The following SCAND3 variants were observed in gnomAD, a reference collection of about 807,000 sequenced individuals.
SCAND3 encodes SCAN domain containing 3.
the SCAND3 span, chr6:28,597,924 C>T: frequency 6.6e-6 from 1 of 152,294 alleles, no homozygotes; most frequent in Admixed American, 6.5e-5. Flanking sequence ...GAGACGCTTT[C>T]ATTTCTCTCT....
At chr6:28,572,520 A>T in the SCAND3 span, 1 of 1,613,648 alleles carries the variant, frequency 6.2e-7, no homozygotes, top group African/African-American at 1.3e-5. The surrounding 1 kb of genome is among the most constrained non-coding windows in gnomAD (Gnocchi z 4.1). Flanking sequence ...AATAAGTTGC[A>T]TTCTTCCCTT....
At chr6:28,586,931 C>T in the SCAND3 span, 45 of 575,838 alleles carry the variant, frequency 7.8e-5, no homozygotes, top group African/African-American at 2.1e-4. The surrounding 1 kb of genome is among the most constrained non-coding windows in gnomAD (Gnocchi z 4.4). Flanking sequence ...GTGAAGCCAT[C>T]CTCTGAAAAG....
chr6:28,595,353 A>AAG, the SCAND3 span, among the ~76,000 whole-genome samples: 584 of 144,478 alleles, frequency 4.0e-3, 2 homozygotes, highest in Non-Finnish European at 7.8e-3. Flanking sequence ...AAAAAAAAAA[A>AAG]AAGAAGAAGA....
the SCAND3 span, among the ~76,000 whole-genome samples, chr6:28,599,576 A>C: frequency 1.3e-5 from 2 of 152,152 alleles, no homozygotes; most frequent in Non-Finnish European, 2.9e-5. Flanking sequence ...CTCATGAGAT[A>C]TGATGGTTTT....
At chr6:28,586,586 C>T in the SCAND3 span, 1 of 1,614,218 alleles carries the variant, frequency 6.2e-7, no homozygotes, top group Non-Finnish European at 8.5e-7. This position sits in a 1 kb window ranked among gnomAD's most constrained non-coding sequence, Gnocchi z 4.4. Flanking sequence ...TGGTATAAGA[C>T]AAATTCCTAC....
the SCAND3 span, chr6:28,573,615 CTG>C: frequency 6.2e-7 from 1 of 1,613,160 alleles, no homozygotes; most frequent in East Asian, 2.2e-5. Flanking sequence ...AAATAATACA[CTG>C]TGGTTTTAGT....
chr6:28,604,588 C>T, the SCAND3 span, among the ~76,000 whole-genome samples: 4 of 147,826 alleles, frequency 2.7e-5, no homozygotes, highest in African/African-American at 5.0e-5. Flanking sequence ...TGCACTCCAG[C>T]GTGGCTGACC....
the SCAND3 span, among the ~76,000 whole-genome samples, chr6:28,601,778 C>A: frequency 6.6e-6 from 1 of 152,196 alleles, no homozygotes; most frequent in Non-Finnish European, 1.5e-5. Flanking sequence ...CTCGGCCTCC[C>A]AAAGTGATGG....
the SCAND3 span, among the ~76,000 whole-genome samples, chr6:28,608,652 T>C: frequency 6.6e-6 from 1 of 152,254 alleles, no homozygotes; most frequent in Non-Finnish European, 1.5e-5. Context: ...TACTGATTTC[T>C]AGAAATTATG....
At chr6:28,607,420 G>T in the SCAND3 span, among the ~76,000 whole-genome samples, 2 of 151,950 alleles carry the variant, frequency 1.3e-5, no homozygotes, top group African/African-American at 4.8e-5. Context: ...AAGCATTTTC[G>T]CAAATTAATC....
chr6:28,611,617 T>C, the SCAND3 span, among the ~76,000 whole-genome samples: 49 of 152,330 alleles, frequency 3.2e-4, no homozygotes, highest in South Asian at 6.6e-3. Flanking sequence ...AACTCTTCCC[T>C]CTACATACTT....
At chr6:28,604,089 G>A in the SCAND3 span, among the ~76,000 whole-genome samples, 8 of 152,162 alleles carry the variant, frequency 5.3e-5, no homozygotes, top group African/African-American at 1.9e-4. Context: ...GTGTTCCAAT[G>A]GTCAAAGCAG....
the SCAND3 span, among the ~76,000 whole-genome samples, chr6:28,596,238 A>C: frequency 6.6e-6 from 1 of 152,344 alleles, no homozygotes; most frequent in East Asian, 1.9e-4. Flanking sequence ...AACTGGTTAA[A>C]TAATATATGG....
At chr6:28,597,125 A>T in the SCAND3 span, among the ~76,000 whole-genome samples, 1 of 152,204 alleles carries the variant, frequency 6.6e-6, no homozygotes, top group Non-Finnish European at 1.5e-5. Flanking sequence ...TCAACTGGCT[A>T]ATTTAACTTA....
chr6:28,580,952 T>C, the SCAND3 span, among the ~76,000 whole-genome samples: 1 of 152,160 alleles, frequency 6.6e-6, no homozygotes, highest in Admixed American at 6.5e-5. Context: ...CCTTGGGTAG[T>C]GGTAATAAAT....
the SCAND3 span, chr6:28,573,167 C>T: frequency 1.2e-6 from 2 of 1,613,414 alleles, no homozygotes; most frequent in Non-Finnish European, 1.7e-6. Flanking sequence ...TTAGCAATAT[C>T]TCTGCATTCA....
At chr6:28,613,530 C>T in the SCAND3 span, among the ~76,000 whole-genome samples, 1 of 152,124 alleles carries the variant, frequency 6.6e-6, no homozygotes, top group Non-Finnish European at 1.5e-5. Context: ...AGTCTTGAAC[C>T]ATTCCCTCCT....
chr6:28,602,418 G>A, the SCAND3 span, among the ~76,000 whole-genome samples: 1 of 152,188 alleles, frequency 6.6e-6, no homozygotes, highest in South Asian at 2.1e-4. Flanking sequence ...AGGTTGGCCA[G>A]GCTGGTCTCA....
the SCAND3 span, among the ~76,000 whole-genome samples, chr6:28,596,453 G>C: frequency 6.6e-6 from 1 of 152,080 alleles, no homozygotes; most frequent in African/African-American, 2.4e-5. Context: ...TATGTGCTTA[G>C]TGTAATCCTG....
Sources: gnomAD v4.1 joint callset for allele counts (sites outside exome capture counted in the v4.1 genomes callset) on GRCh38, gnomAD v4.1.1 for gene constraint, Gnocchi (gnomAD v3.1) non-coding constraint, MANE v1.5 for transcripts, NCBI Gene and HGNC (gene_info 2026-07-23, HGNC 2026-07-21) for gene names.